The following VPS35L variants were observed in gnomAD, a reference collection of about 807,000 sequenced individuals.
VPS35L encodes the protein VPS35 endosomal protein sorting factor like.
VPS35L carries 83 observed loss-of-function variants against 133.0 expected under a neutral mutation model. The observed-to-expected ratio is 0.62, with a 90% CI of 0.52 to 0.75. The LOEUF (loss-of-function observed/expected upper bound fraction) is 0.75, where lower values mean the gene tolerates loss of function less well. VPS35L is among the 30% of genes least tolerant of loss of function. VPS35L has a pLI of 0.00. For synonymous variants in VPS35L, 423 were observed against 449.9 expected, an observed-to-expected ratio of 0.94 and a Z score of 0.76; for missense variants, 1,083 against 1,206.8, an observed-to-expected ratio of 0.90 and a Z score of 1.52.
At chr16:19,564,346 G>A (rs1346931672) in intron 1 of VPS35L, among the ~76,000 whole-genome samples, 1 of 151,978 alleles carries the variant, frequency 6.6e-6, no homozygotes, top group African/African-American at 2.4e-5. Flanking sequence ...CAAAAGTGCT[G>A]GAATTATAGG....
At chr16:19,597,474 T>A (rs1972253996) in intron 8 of VPS35L, among the ~76,000 whole-genome samples, 1 of 151,822 alleles carries the variant, frequency 6.6e-6, no homozygotes, top group African/African-American at 2.4e-5. Flanking sequence ...CCGATAGAAA[T>A]GGTTTCTCTC....
At position 19,641,671 on chromosome 16, in the gene VPS35L, T is replaced by G. The variant is rs199499127; in HGVS notation, c.1785-725T>G. ...TAATTTACTTACCTAAAGATTTGTT[T>G]TAAGAGCTTGCCCTTTTATATTATT... On this transcript the variant is annotated intron_variant, in intron 21 of 30. Coordinates refer to ENST00000417362, the MANE Select transcript of VPS35L (RefSeq NM_020314.7). Among the ~76,000 whole-genome samples the G allele has an allele frequency of 1.1e-4, 16 of 152,320 alleles. No homozygotes were observed. The East Asian group carries it at 2.1e-3, about 20-fold the overall frequency.
intron 26 of VPS35L, among the ~76,000 whole-genome samples, chr16:19,663,357 A>C (rs2188700): frequency 2.0e-5 from 3 of 151,872 alleles, no homozygotes; most frequent in African/African-American, 7.3e-5. Context: ...AAGTGAAAAA[A>C]TTGGTGTCCA....
chr16:19,651,266 T>C (rs1321472270), intron 25 of VPS35L, among the ~76,000 whole-genome samples: 1 of 150,166 alleles, frequency 6.7e-6, no homozygotes, highest in Admixed American at 6.6e-5. Context: ...TTTATTTAGC[T>C]ATTCATTCAT....
chr16:19,581,589 A>G lies in VPS35L; in HGVS notation c.575A>G (p.Asn192Ser). ...TACGTGAACCGCATAGAGGAGCTCA[A>G]CCAATCGCTGAAGGATGCCTGGGCC... Reference protein sequence around the residue: ...QDYVNRIEELNQSLKDAWASD... With the variant: ...QDYVNRIEELSQSLKDAWASD... Residue 192 changes from asparagine (N) to serine (S), a missense_variant, in exon 7 of 31, where the codon AAC (asparagine) becomes AGC (serine). Coordinates refer to ENST00000417362, the MANE Select transcript of VPS35L (RefSeq NM_020314.7). 1.9e-6 allele frequency: 3 copies of G among 1,614,134 alleles called. No homozygotes were observed. Among genetic ancestry groups the G allele is most frequent in the South Asian group, 1.1e-5 (1 of 91,086 alleles).
rs1413647401 is a variant in VPS35L, at chr16:19,642,450, T to A, written c.1839T>A (p.Val613=). The change falls in exon 22 of 31, where the codon GTT becomes GTA. Residue 613 remains valine, a synonymous_variant. Transcript: ENST00000417362. ...TCATCTTGAATGCCCTTTTGCATGT[T>A]TGCAAGACCATGCATGACTCTGTGA... The part of the protein sequence containing the change: ...DPVILNALLH[V]CKTMHDSVNA... 6.2e-7 allele frequency: 1 copy of A among 1,613,800 alleles called. No individual in the cohort carries two copies. Among genetic ancestry groups the A allele is most frequent in the Admixed American group, 1.7e-5 (1 of 60,004 alleles).
intron 29 of VPS35L, among the ~76,000 whole-genome samples, chr16:19,694,749 T>C (rs112230118): frequency 0.054 from 8,182 of 152,248 alleles, 681 homozygotes; most frequent in African/African-American, 0.18. Flanking sequence ...CTCATGCCTG[T>C]ACTCCCAGCA....
chr16:19,680,906 C>G (rs1975248460), intron 27 of VPS35L, among the ~76,000 whole-genome samples: 1 of 122,894 alleles, frequency 8.1e-6, no homozygotes. Flanking sequence ...GACCCTGTCT[C>G]AGAACCCGCC....
intron 29 of VPS35L, among the ~76,000 whole-genome samples, chr16:19,698,621 T>A (rs1219408962): frequency 1.3e-5 from 2 of 152,196 alleles, no homozygotes; most frequent in African/African-American, 4.8e-5. Flanking sequence ...GCGAGTTGTA[T>A]AAAGCACAGA....
At chr16:19,691,114 C>T (rs573316698) in intron 28 of VPS35L, among the ~76,000 whole-genome samples, 5 of 152,336 alleles carry the variant, frequency 3.3e-5, no homozygotes, top group Non-Finnish European at 7.3e-5. Flanking sequence ...CCCCGCCACG[C>T]ACACATGGGC....
chr16:19,563,314 T>C (rs1293001498), intron 1 of VPS35L, among the ~76,000 whole-genome samples: 1 of 148,484 alleles, frequency 6.7e-6, no homozygotes, highest in Admixed American at 6.7e-5. Context: ...TCAAAAAAAC[T>C]TAAAAAAAAA....
rs781195621 is a variant in VPS35L at position 19,699,599 on chromosome 16, A to G, written c.2744A>G (p.Asn915Ser). 6.2e-7 allele frequency: 1 copy of G among 1,614,092 alleles called. No homozygotes were observed. Among genetic ancestry groups the G allele is most frequent in the South Asian group, 1.1e-5 (1 of 91,080 alleles). Residue 915 changes from asparagine (N) to serine (S), a missense_variant, in exon 30 of 31, where the codon AAC (asparagine) becomes AGC (serine). Physicochemically the swap from Asn to Ser is conservative, Grantham distance 46. Coordinates refer to ENST00000417362, the MANE Select transcript of VPS35L (RefSeq NM_020314.7). This position sits in a 1 kb window ranked among gnomAD's most constrained non-coding sequence, Gnocchi z 4.2. Reference protein sequence around the residue: ...RNNKLNQLSVNLWHLAQRHGC... With the variant: ...RNNKLNQLSVSLWHLAQRHGC... The stretch of plus-strand genomic sequence containing the variant: ...AACAAGCTCAACCAGCTCTCCGTCA[A>G]CCTGTGGCACCTGGCACAGAGGCAC...
chr16:19,566,069 A>G (rs551962278), intron 2 of VPS35L, among the ~76,000 whole-genome samples: 8 of 152,286 alleles, frequency 5.3e-5, no homozygotes, highest in East Asian at 1.9e-4. Context: ...AGATGATTGC[A>G]TAAAGCAGAA....
chr16:19,667,029 G>T (rs1974716423), intron 26 of VPS35L, among the ~76,000 whole-genome samples: 1 of 148,228 alleles, frequency 6.7e-6, no homozygotes. Context: ...TGTTGCCCAG[G>T]CTCGGCTCAC....
chr16:19,653,995 A>G (rs1284838424), intron 26 of VPS35L, among the ~76,000 whole-genome samples: 1 of 151,968 alleles, frequency 6.6e-6, no homozygotes, highest in African/African-American at 2.4e-5. Flanking sequence ...TCCATCCTCA[A>G]CCACCTGCAT....
At chr16:19,591,927 A>G in intron 8 of VPS35L, 53 bp downstream of exon 8, 1 of 1,371,868 alleles carries the variant, frequency 7.3e-7, no homozygotes, top group Non-Finnish European at 1.0e-6. Flanking sequence ...CGTTTTGTCA[A>G]GAATTGGGTG....
At chr16:19,570,925 G>A (rs1282137129) in intron 3 of VPS35L, among the ~76,000 whole-genome samples, 9 of 140,886 alleles carry the variant, frequency 6.4e-5, no homozygotes, top group South Asian at 2.3e-4. Context: ...CACCCGGGCC[G>A]GTGTGAAGTG....
At chr16:19,570,374 TTTTTAA>T (rs1407117068) in intron 3 of VPS35L, among the ~76,000 whole-genome samples, 3 of 152,202 alleles carry the variant, frequency 2.0e-5, no homozygotes, top group Non-Finnish European at 2.9e-5. Flanking sequence ...TTAAAATTTA[TTTTTAA>T]TTTTAATTTT....
chr16:19,597,372 G>C (rs923231452), intron 8 of VPS35L, among the ~76,000 whole-genome samples: 5 of 135,546 alleles, frequency 3.7e-5, no homozygotes, highest in Non-Finnish European at 8.2e-5. Flanking sequence ...TCAAAAAGAA[G>C]AAAAAAAAAA....
Sources: allele counts gnomAD v4.1 joint callset (sites outside exome capture counted in the v4.1 genomes callset), GRCh38; gene constraint gnomAD v4.1.1; non-coding constraint Gnocchi (gnomAD v3.1); transcripts MANE v1.5; gene names NCBI Gene and HGNC (gene_info 2026-07-23, HGNC 2026-07-21).